Variants in LRPPRC observed in about 807,000 individuals in gnomAD.
LRPPRC encodes leucine-rich PPR motif-containing protein, mitochondrial.
LRPPRC carries 120 observed loss-of-function variants against 180.3 expected under a neutral mutation model. The ratio of observed to expected loss-of-function variants is 0.67; its 90% CI spans 0.57 to 0.77. The LOEUF is 0.77. Ranked by LOEUF, LRPPRC falls within the 30% of genes least tolerant of loss-of-function variation. LRPPRC has a pLI of 0.00. For synonymous variants in LRPPRC, 723 were observed against 600.0 expected (o/e 1.21, Z -3.00); for missense variants, 2,012 against 1,657.2 (o/e 1.21, Z -3.72).
Position 43,995,905 on chromosome 2 carries a change from C to A in LRPPRC, c.43G>T (p.Gly15Trp), listed in dbSNP as rs775294274. The A allele has an allele frequency of 4.6e-5, 69 of 1,515,090 alleles. No individual in the cohort carries two copies. In the African/African-American group the frequency reaches 8.7e-4, roughly 19 times the overall value. The allele number at this position is 1,515,090 out of a possible 1,614,324, so 93.9% of individuals were successfully genotyped here. Reference sequence around the variant, plus strand: ...GAGAGCGGGAGGCGCGGGGCCGCCCCGGCACGCAGCAACCAACGCGCGGAT... The same window carrying A: ...GAGAGCGGGAGGCGCGGGGCCGCCCAGGCACGCAGCAACCAACGCGCGGAT... ...LRSARWLLRA[G>W]AAPRLPLSLR... is the part of the protein sequence containing the mutation. Residue 15 changes from glycine (G) to tryptophan (W), a missense_variant, in exon 1 of 38, where the codon GGG becomes TGG. Physicochemically the swap from Gly to Trp is radical, Grantham distance 184. Coordinates refer to ENST00000260665, the MANE Select transcript of LRPPRC (RefSeq NM_133259.4).
chr2:43,951,802 A>C (rs1672915161), intron 14 of LRPPRC, among the ~76,000 whole-genome samples: 1 of 151,302 alleles, frequency 6.6e-6, no homozygotes, highest in Non-Finnish European at 1.5e-5. Context: ...TTCTATTTTA[A>C]CTCTCAACAT....
intron 34 of LRPPRC, among the ~76,000 whole-genome samples, chr2:43,898,353 C>T (rs1572893081): frequency 6.6e-6 from 1 of 152,274 alleles, no homozygotes; most frequent in South Asian, 2.1e-4. Flanking sequence ...TAAGATCTTT[C>T]ACAGCTGGTA....
At position 43,979,787 on chromosome 2, in the gene LRPPRC, T is replaced by C. The variant is rs367910345; in HGVS notation, c.469+39A>G. The C allele has an allele frequency of 2.7e-5, 43 of 1,599,840 alleles. No individual in the cohort carries two copies. The African/African-American group carries it at 5.4e-4, about 20-fold the overall frequency. On this transcript the variant is annotated intron_variant, in intron 3 of 37. Transcript: ENST00000260665. ...CTTTTTTGCAAAAAGAAAAAACATC[T>C]ACACCTTTTATACACATCATATATT...
At chr2:43,953,460 CAA>C (rs1241791549) in intron 14 of LRPPRC, among the ~76,000 whole-genome samples, 1 of 152,184 alleles carries the variant, frequency 6.6e-6, no homozygotes, top group Non-Finnish European at 1.5e-5. Flanking sequence ...GACAGATTTG[CAA>C]CTGTGCAAAC....
At chr2:43,934,666 T>C (rs1672208281) in intron 24 of LRPPRC, 88 bp downstream of exon 24, 1 of 1,168,642 alleles carries the variant, frequency 8.6e-7, no homozygotes, top group Non-Finnish European at 1.3e-6. Context: ...TGTGCTGGCC[T>C]TCTGCTGGTT....
At chr2:43,911,694 T>A (rs529678102) in intron 30 of LRPPRC, among the ~76,000 whole-genome samples, 1 of 152,048 alleles carries the variant, frequency 6.6e-6, no homozygotes, top group Non-Finnish European at 1.5e-5. Flanking sequence ...GCCCAGCTAA[T>A]GTTTGTATTT....
intron 34 of LRPPRC, among the ~76,000 whole-genome samples, chr2:43,898,948 C>A (rs1416751509): frequency 6.6e-6 from 1 of 152,152 alleles, no homozygotes; most frequent in Non-Finnish European, 1.5e-5. Context: ...GCGAAACTCG[C>A]TGCCCCATAC....
chr2:43,931,999 G>A (rs1036828769), intron 25 of LRPPRC, among the ~76,000 whole-genome samples: 2 of 151,644 alleles, frequency 1.3e-5, no homozygotes, highest in African/African-American at 2.4e-5. Context: ...AAGATGAAGT[G>A]TTGTAGAAAG....
chr2:43,891,416 G>A (rs1670488254), intron 36 of LRPPRC, among the ~76,000 whole-genome samples: 1 of 152,106 alleles, frequency 6.6e-6, no homozygotes, highest in South Asian at 2.1e-4. Context: ...GTCTATCAAT[G>A]CCATTTTTCC....
intron 1 of LRPPRC, among the ~76,000 whole-genome samples, chr2:43,994,958 A>G (rs1003247922): frequency 1.2e-4 from 18 of 152,338 alleles, no homozygotes; most frequent in African/African-American, 4.3e-4. Context: ...AGACACTTAC[A>G]GGACGGGAGC....
At chr2:43,960,744 A>G (rs1218839463) in intron 12 of LRPPRC, 110 bp from the exon 13 acceptor site, 2 of 739,486 alleles carry the variant, frequency 2.7e-6, no homozygotes, top group Non-Finnish European at 4.9e-6. Context: ...CTGATTTTCT[A>G]GAAAAATAGA....
At chr2:43,909,507 G>C (rs1398047385) in intron 30 of LRPPRC, among the ~76,000 whole-genome samples, 1 of 151,980 alleles carries the variant, frequency 6.6e-6, no homozygotes, top group Non-Finnish European at 1.5e-5. Flanking sequence ...GTAAGTTCTG[G>C]AGCTCTATAC....
chr2:43,935,023 G>A (rs551849528), intron 23 of LRPPRC, 145 bp from the exon 24 acceptor site: 4 of 601,210 alleles, frequency 6.7e-6, no homozygotes, highest in Non-Finnish European at 1.2e-5. Flanking sequence ...AGCTAAAATG[G>A]GGGAAAAAAA....
At chr2:43,902,625 AAAG>A (rs1670927763) in intron 31 of LRPPRC, 1 of 152,194 alleles carries the variant, frequency 6.6e-6, no homozygotes, top group South Asian at 2.1e-4. Flanking sequence ...AAATGAGAAA[AAAG>A]AAAAACAGGT....
Position 43,971,182 on chromosome 2 carries a change from T to C in LRPPRC, c.1369+2425A>G, listed in dbSNP as rs532508761. 8.5e-5 allele frequency among the ~76,000 whole-genome samples: 13 copies of C among 152,196 alleles called. No homozygotes were observed. In the South Asian group the frequency reaches 2.3e-3, roughly 27 times the overall value. ...GCTTTCTGATCAGCCCTTCTTTATG[T>C]ATTTTATCCCTTTCACATTCTCATT... On this transcript the variant is annotated intron_variant, in intron 11 of 37. Transcript: ENST00000260665.
At chr2:43,965,321 A>C (rs1673509102) in intron 11 of LRPPRC, among the ~76,000 whole-genome samples, 1 of 152,118 alleles carries the variant, frequency 6.6e-6, no homozygotes, top group African/African-American at 2.4e-5. Context: ...AGCCTCCCAA[A>C]GTGTTGGGAT....
intron 2 of LRPPRC, among the ~76,000 whole-genome samples, chr2:43,981,143 G>C (rs1224127610): frequency 6.6e-6 from 1 of 152,036 alleles, no homozygotes; most frequent in Non-Finnish European, 1.5e-5. Flanking sequence ...GGGAGTGAAA[G>C]ACCTATAGCT....
At chr2:43,923,816 G>T (rs539538661) in intron 27 of LRPPRC, among the ~76,000 whole-genome samples, 26 of 151,696 alleles carry the variant, frequency 1.7e-4, no homozygotes, top group Admixed American at 5.3e-4. Flanking sequence ...TGGCACATTA[G>T]AATTTCATCA....
chr2:43,909,998 C>T (rs1214730098), intron 30 of LRPPRC, among the ~76,000 whole-genome samples: 2 of 152,138 alleles, frequency 1.3e-5, no homozygotes, highest in East Asian at 1.9e-4. Context: ...TACATACACA[C>T]ACGCATAACT....
Sources: gnomAD v4.1 joint callset for allele counts (sites outside exome capture counted in the v4.1 genomes callset) on GRCh38, gnomAD v4.1.1 for gene constraint, MANE v1.5 for transcripts, NCBI Gene and HGNC (gene_info 2026-07-23, HGNC 2026-07-21) for gene names.